RPS6KA3: variants seen among roughly 807,000 people sequenced by gnomAD.
RPS6KA3 encodes ribosomal protein S6 kinase alpha-3.
In RPS6KA3, 4 loss-of-function variants were observed where a neutral mutation model predicts 67.2. That is an observed-to-expected ratio of 0.06 (90% CI 0.03 to 0.14). The LOEUF (loss-of-function observed/expected upper bound fraction) is 0.14. Ranked by LOEUF, RPS6KA3 falls within the 10% of genes least tolerant of loss-of-function variation. The pLI is 1.00. For synonymous variants in RPS6KA3, 182 were observed against 183.7 expected, an observed-to-expected ratio of 0.99 and a Z score of 0.07; for missense variants, 204 against 559.0, an observed-to-expected ratio of 0.36 and a Z score of 6.40.
chrX:20,176,585 A>T, intron 11 of RPS6KA3, 87 bp from the exon 12 acceptor site: 1 of 547,833 alleles, frequency 1.8e-6, no homozygotes, highest in Non-Finnish European at 3.0e-6. Context: ...TGTCTAATTA[A>T]TTAATTAATT....
At chrX:20,163,165 C>A in intron 18 of RPS6KA3, 125 bp from the exon 19 acceptor site, 1 of 503,369 alleles carries the variant, frequency 2.0e-6, no homozygotes, top group Non-Finnish European at 3.6e-6. Context: ...ACATGGTTAC[C>A]AAATAAGGCA....
At position 20,263,686 on chromosome X, in the gene RPS6KA3, A is replaced by C. The variant is rs139160658; in HGVS notation, c.69+2878T>G. On this transcript the variant is annotated intron_variant, in intron 1 of 21. Transcript: ENST00000379565. ...GGTCTTTTTAAATTGTTCATATTTT[A>C]ATGAGATTAAAATGATAAAAAACAG... is the stretch of plus-strand genomic sequence containing the variant. Among the ~76,000 whole-genome samples, 1,212 of 111,915 alleles carry C rather than the reference A, an allele frequency of 0.011. 43 individuals carry two copies. In the East Asian group the frequency reaches 0.14, roughly 13 times the overall value.
chrX:20,245,747 C>G (rs1479082554), intron 1 of RPS6KA3, among the ~76,000 whole-genome samples: 1 of 111,688 alleles, frequency 9.0e-6, no homozygotes, highest in Non-Finnish European at 1.9e-5. Context: ...CAGCCCAACA[C>G]TGAATCAGAA....
intron 4 of RPS6KA3, among the ~76,000 whole-genome samples, chrX:20,199,480 G>A (rs150753280): frequency 1.2e-3 from 129 of 111,833 alleles, no homozygotes; most frequent in African/African-American, 3.9e-3. Context: ...TTGGAAGATG[G>A]TTGAAGAAAT....
At chrX:20,185,086 C>T (rs936170725) in intron 10 of RPS6KA3, among the ~76,000 whole-genome samples, 1 of 111,015 alleles carries the variant, frequency 9.0e-6, no homozygotes, top group Non-Finnish European at 1.9e-5. Flanking sequence ...GTTGGGATTA[C>T]AGGCACCTGC....
At chrX:20,187,693 A>G (rs1208439679) in intron 9 of RPS6KA3, 135 bp downstream of exon 9, 1 of 598,902 alleles carries the variant, frequency 1.7e-6, no homozygotes, top group Non-Finnish European at 2.9e-6. Context: ...TACTGCATGC[A>G]ATAATGTTTC....
chrX:20,208,725 AG>A (rs2148730997), intron 3 of RPS6KA3, among the ~76,000 whole-genome samples: 1 of 111,635 alleles, frequency 9.0e-6, no homozygotes, highest in Non-Finnish European at 1.9e-5. Context: ...TGCCTTCTGG[AG>A]GAATTTTCCT....
chrX:20,179,074 G>A (rs989780478), intron 10 of RPS6KA3, among the ~76,000 whole-genome samples: 6 of 111,426 alleles, frequency 5.4e-5, no homozygotes, highest in African/African-American at 2.0e-4. Context: ...GTTTAATTCA[G>A]AGGAAAGGCT....
chrX:20,155,369 A>G lies in RPS6KA3; in HGVS notation c.*29T>C. 1 of 1,202,708 alleles carries G rather than the reference A, an allele frequency of 8.3e-7. No homozygotes were observed. The highest frequency in any genetic ancestry group is 1.1e-6 in the Non-Finnish European group (1 of 887,960). On this transcript the variant is annotated 3_prime_UTR_variant, in exon 22 of 22. Transcript: ENST00000379565. Reference sequence around the variant, plus strand: ...AGAACTTGTGCTATCAGCTTACACCATGGTACCAAATATCTCACTGAGGTC... The same window carrying G: ...AGAACTTGTGCTATCAGCTTACACCGTGGTACCAAATATCTCACTGAGGTC...
intron 2 of RPS6KA3, among the ~76,000 whole-genome samples, chrX:20,220,594 A>G (rs2068965731): frequency 8.9e-6 from 1 of 112,373 alleles, no homozygotes; most frequent in Non-Finnish European, 1.9e-5. Context: ...TATTCAAGTA[A>G]TATTTTTAAA....
chrX:20,233,945 G>A (rs769038012), intron 2 of RPS6KA3, among the ~76,000 whole-genome samples: 33 of 112,016 alleles, frequency 2.9e-4, no homozygotes, highest in Admixed American at 2.4e-3. Flanking sequence ...TGGTTATTCT[G>A]TGTGTGGTGG....
chrX:20,189,206 C>A (rs1308195877), intron 7 of RPS6KA3, among the ~76,000 whole-genome samples: 1 of 111,748 alleles, frequency 8.9e-6, no homozygotes, highest in East Asian at 2.8e-4. Flanking sequence ...CCTCCCTTCA[C>A]TATACATATT....
intron 6 of RPS6KA3, 32 bp from the exon 7 acceptor site, chrX:20,193,625 TTTTC>T (rs767307919): frequency 1.0e-5 from 10 of 959,080 alleles, no homozygotes; most frequent in Non-Finnish European, 1.3e-5. Flanking sequence ...TCTAAATTTA[TTTTC>T]TTTTTGTGTC....
At chrX:20,177,177 T>C in intron 10 of RPS6KA3, 93 bp from the exon 11 acceptor site, 1 of 605,572 alleles carries the variant, frequency 1.7e-6, no homozygotes, top group Non-Finnish European at 2.8e-6. Flanking sequence ...GAGATACTTG[T>C]AGATTCACAC....
intron 10 of RPS6KA3, among the ~76,000 whole-genome samples, chrX:20,183,886 T>C (rs2067906541): frequency 8.9e-6 from 1 of 112,234 alleles, no homozygotes; most frequent in African/African-American, 3.2e-5. Context: ...AATGTGCCAA[T>C]CCACATTGTA....
chrX:20,246,663 G>A (rs1239318390), intron 1 of RPS6KA3, among the ~76,000 whole-genome samples: 1 of 111,709 alleles, frequency 9.0e-6, no homozygotes, highest in Non-Finnish European at 1.9e-5. Context: ...TTAAACCTCT[G>A]TTTCCCCATC....
intron 1 of RPS6KA3, among the ~76,000 whole-genome samples, chrX:20,256,659 A>T (rs1257117667): frequency 8.9e-6 from 1 of 111,842 alleles, no homozygotes; most frequent in Non-Finnish European, 1.9e-5. Context: ...TATTTAACCC[A>T]CTGTATTTGG....
chrX:20,178,128 T>A (rs763451747), intron 10 of RPS6KA3, among the ~76,000 whole-genome samples: 1 of 111,761 alleles, frequency 8.9e-6, no homozygotes, highest in Non-Finnish European at 1.9e-5. Flanking sequence ...AGAGAGCCCA[T>A]GAAACTCATG....
rs887225843 is a variant in RPS6KA3, at chrX:20,156,334, T to C, written c.1960-85A>G. 3.0e-6 allele frequency: 3 copies of C among 988,015 alleles called. No individual in the cohort carries two copies. In the African/African-American group the frequency reaches 5.8e-5, roughly 19 times the overall value. 81.4% of individuals were successfully genotyped at this position (988,015 alleles called of 1,213,427 possible). A position where few individuals can be genotyped will look rare whatever the true frequency, so the allele number is the denominator to read the frequency against. On this transcript the variant is annotated intron_variant, in intron 20 of 21. Transcript: ENST00000379565. ...CTTGATACTAATGAACATTCTTCCT[T>C]AGCTTCTGTGATACTGCTTTTTCTG...
Sources: gnomAD v4.1 joint callset for allele counts (sites outside exome capture counted in the v4.1 genomes callset) on GRCh38, gnomAD v4.1.1 for gene constraint, MANE v1.5 for transcripts, NCBI Gene and HGNC (gene_info 2026-07-23, HGNC 2026-07-21) for gene names.